Variants in SINHCAF observed in about 807,000 individuals in gnomAD.
SINHCAF encodes SIN3-HDAC complex-associated factor.
SINHCAF carries 3 observed loss-of-function variants against 25.8 expected under a neutral mutation model. The observed-to-expected ratio is 0.12, with a 90% CI of 0.05 to 0.30. The LOEUF (loss-of-function observed/expected upper bound fraction) is 0.30, where lower values mean the gene tolerates loss of function less well. Among genes scored for constraint, SINHCAF ranks in the 10% least tolerant of loss-of-function variants. The pLI is 1.00. For synonymous variants in SINHCAF, 70 were observed against 85.5 expected, an observed-to-expected ratio of 0.82 and a Z score of 1.00; for missense variants, 121 against 262.3, an observed-to-expected ratio of 0.46 and a Z score of 3.72.
chr12:31,284,089 T>A (rs1471789958), intron 5 of SINHCAF, among the ~76,000 whole-genome samples: 1 of 152,216 alleles, frequency 6.6e-6, no homozygotes, highest in Non-Finnish European at 1.5e-5. Flanking sequence ...TGCTGGCATA[T>A]AGGAATGGGA....
chr12:31,299,436 C>A (rs1390239567), intron 1 of SINHCAF, among the ~76,000 whole-genome samples: 1 of 152,070 alleles, frequency 6.6e-6, no homozygotes, highest in Non-Finnish European at 1.5e-5. Context: ...CCTGCCTCAG[C>A]CTCCCTAGTA....
At chr12:31,311,140 G>A (rs555229112) in intron 1 of SINHCAF, among the ~76,000 whole-genome samples, 27 of 152,142 alleles carry the variant, frequency 1.8e-4, no homozygotes, top group East Asian at 1.2e-3. Flanking sequence ...GTGTCCGGCC[G>A]TAATCTATGA....
intron 4 of SINHCAF, among the ~76,000 whole-genome samples, chr12:31,290,573 A>G (rs79930238): frequency 0.02 from 3,079 of 152,372 alleles, 69 homozygotes; most frequent in African/African-American, 0.053. Flanking sequence ...GGTTTTAAAA[A>G]AATGAGTCTA....
chr12:31,313,190 A>C (rs993967450), intron 1 of SINHCAF, among the ~76,000 whole-genome samples: 2 of 147,644 alleles, frequency 1.4e-5, no homozygotes, highest in African/African-American at 5.0e-5. Context: ...ACGCCCAGCT[A>C]TTTTTTTTTT....
chr12:31,286,740 A>G (rs930182127), intron 5 of SINHCAF, among the ~76,000 whole-genome samples: 5 of 152,096 alleles, frequency 3.3e-5, no homozygotes, highest in South Asian at 2.1e-4. Flanking sequence ...CCAATCTTAC[A>G]TACCTAGAAT....
At chr12:31,288,485 A>T (rs1007478033) in intron 4 of SINHCAF, among the ~76,000 whole-genome samples, 2 of 152,144 alleles carry the variant, frequency 1.3e-5, no homozygotes, top group Non-Finnish European at 2.9e-5. Flanking sequence ...GATTTTCATT[A>T]TGGCCCACTA....
intron 2 of SINHCAF, among the ~76,000 whole-genome samples, chr12:31,295,948 A>C (rs1188972444): frequency 1.3e-5 from 2 of 152,016 alleles, no homozygotes; most frequent in Non-Finnish European, 2.9e-5. Context: ...CGGAAGACCA[A>C]GGTGGGAAGA....
chr12:31,302,054 C>T (rs1938819185), intron 1 of SINHCAF, among the ~76,000 whole-genome samples: 2 of 152,182 alleles, frequency 1.3e-5, no homozygotes, highest in Non-Finnish European at 2.9e-5. Flanking sequence ...CATCATATCA[C>T]TCAGCACTAT....
intron 1 of SINHCAF, chr12:31,304,890 T>C (rs751144017): frequency 1.3e-5 from 2 of 152,196 alleles, no homozygotes; most frequent in Admixed American, 6.5e-5. Context: ...TTAACCAGGT[T>C]ATATATCCTA....
Position 31,293,747 on chromosome 12 carries a change from C to T in SINHCAF, c.355+58G>A, listed in dbSNP as rs200127665. The T allele has an allele frequency of 5.2e-4, 762 of 1,466,694 alleles. 5 individuals are homozygous for T. The African/African-American group carries it at 0.01, about 19-fold the overall frequency. 90.9% of individuals were successfully genotyped at this position (1,466,694 alleles called of 1,614,324 possible). Reference sequence around the variant, plus strand: ...ATGATCCACACATGCCATACACCACCCCCAGCCAAAAATAACAAAACAATT... The same window carrying T: ...ATGATCCACACATGCCATACACCACTCCCAGCCAAAAATAACAAAACAATT... On this transcript the variant is annotated intron_variant, in intron 4 of 5. Transcript: ENST00000337682.
At chr12:31,293,681 T>C (rs1938428806) in intron 4 of SINHCAF, 124 bp downstream of exon 4, 2 of 738,024 alleles carry the variant, frequency 2.7e-6, no homozygotes, top group Non-Finnish European at 4.2e-6. Context: ...CAAGTCAACG[T>C]TGCCTTCCAG....
In SINHCAF at chr12:31,312,407, G is replaced by A. The variant is rs553551878; in HGVS notation, c.-21+13617C>T. Among the ~76,000 whole-genome samples, 19 of 152,132 alleles carry A rather than the reference G, an allele frequency of 1.2e-4. No individual in the cohort carries two copies. The South Asian group carries it at 3.5e-3, about 28-fold the overall frequency. ...GTATTTCTAGGAATAGAACTGCTGG[G>A]TCATAGAAAATGTGTAAATTTACCT... is the stretch of plus-strand genomic sequence containing the variant. On this transcript the variant is annotated intron_variant, in intron 1 of 5. Coordinates refer to ENST00000337682, the MANE Select transcript of SINHCAF (RefSeq NM_001135812.2).
rs560114234 is a variant in SINHCAF, at chr12:31,324,716, G to A, written c.-21+1308C>T. ...ATCAGGGATGTCGGAGCGTTTCGCA[G>A]GGGCCGGACACTGGACGATCACCCT... is the stretch of plus-strand genomic sequence containing the variant. On this transcript the variant is annotated intron_variant, in intron 1 of 5. Transcript: ENST00000337682. This position sits in a 1 kb window ranked among gnomAD's most constrained non-coding sequence, Gnocchi z 5.5. 3 of 340,792 alleles carry A rather than the reference G, an allele frequency of 8.8e-6. No individual in the cohort carries two copies. The Admixed American group carries it at 1.2e-4, about 14-fold the overall frequency. The allele number at this position is 340,792 out of a possible 1,614,324, so 21.1% of individuals were successfully genotyped here. A position where few individuals can be genotyped will look rare whatever the true frequency, so the allele number is the denominator to read the frequency against.
chr12:31,314,630 G>C (rs1440975585), intron 1 of SINHCAF, among the ~76,000 whole-genome samples: 1 of 151,846 alleles, frequency 6.6e-6, no homozygotes, highest in African/African-American at 2.4e-5. Flanking sequence ...GAGTATATTT[G>C]AGAGCTATCT....
At chr12:31,309,068 C>T (rs972575897) in intron 1 of SINHCAF, among the ~76,000 whole-genome samples, 1 of 140,868 alleles carries the variant, frequency 7.1e-6, no homozygotes, top group African/African-American at 2.7e-5. Context: ...GTGGAGGCTG[C>T]AGTGAGCTGA....
intron 1 of SINHCAF, among the ~76,000 whole-genome samples, chr12:31,310,924 C>CA (rs1939241606): frequency 6.8e-6 from 1 of 147,858 alleles, no homozygotes; most frequent in African/African-American, 2.5e-5. Flanking sequence ...GGCTGGAGTG[C>CA]AGTGGTACAA....
chr12:31,303,869 A>T (rs1938911817), intron 1 of SINHCAF: 1 of 152,212 alleles, frequency 6.6e-6, no homozygotes, highest in Admixed American at 6.5e-5. Flanking sequence ...TAGATCATTG[A>T]GAAGATCAGT....
intron 1 of SINHCAF, chr12:31,303,119 TG>T (rs1180494385): frequency 1.8e-5 from 18 of 985,302 alleles, no homozygotes; most frequent in Non-Finnish European, 1.9e-5. Flanking sequence ...TGCCTATTTA[TG>T]GGAGGTTCTA....
At chr12:31,306,125 T>C (rs556314870) in intron 1 of SINHCAF, among the ~76,000 whole-genome samples, 1 of 152,186 alleles carries the variant, frequency 6.6e-6, no homozygotes, top group Non-Finnish European at 1.5e-5. Context: ...CCATTGCCCA[T>C]CAGCAGGATG....
Sources: gnomAD v4.1 joint callset for allele counts (sites outside exome capture counted in the v4.1 genomes callset) on GRCh38, gnomAD v4.1.1 for gene constraint, Gnocchi (gnomAD v3.1) non-coding constraint, MANE v1.5 for transcripts, NCBI Gene and HGNC (gene_info 2026-07-23, HGNC 2026-07-21) for gene names.